Variants in CD300E observed in about 807,000 individuals in gnomAD.
CD300E encodes CD300e molecule, also known as CMRF35-like molecule 2.
In CD300E, 14 loss-of-function variants were observed where a neutral mutation model predicts 20.9. The observed-to-expected ratio is 0.67, with a 90% CI of 0.44 to 1.05. The LOEUF (loss-of-function observed/expected upper bound fraction) is 1.05. Among genes scored for constraint, CD300E ranks in the 50% least tolerant of loss-of-function variants. CD300E has a pLI of 0.00. For missense variants in CD300E, 237 were observed against 253.9 expected, an observed-to-expected ratio of 0.93 and a Z score of 0.45; for synonymous variants, 102 against 103.7, an observed-to-expected ratio of 0.98 and a Z score of 0.10.
In CD300E at chr17:74,617,174, A is replaced by G. The variant is rs1568034815; in HGVS notation, c.332T>C (p.Val111Ala). The G allele has an allele frequency of 6.2e-7, 1 of 1,614,088 alleles. No individual in the cohort carries two copies. The change falls in exon 2 of 4, where the codon GTC becomes GCC. Residue 111 changes from valine to alanine, a missense_variant. Coordinates refer to ENST00000392619, the MANE Select transcript of CD300E (RefSeq NM_181449.3). ...SYWCKIQTVW[V>A]LDSWSRDPSD... ...GGGATCGCGTGACCATGAATCCAGGACCCACACTGTCTGAATTTTGCACCA... is the reference window on the plus strand; with the variant it reads ...GGGATCGCGTGACCATGAATCCAGGGCCCACACTGTCTGAATTTTGCACCA...
chr17:74,621,505 A>G (rs971286494), intron 1 of CD300E, among the ~76,000 whole-genome samples: 5 of 152,210 alleles, frequency 3.3e-5, no homozygotes, highest in African/African-American at 1.2e-4. Flanking sequence ...CAAGATTAGC[A>G]TTTCTCAAGG....
rs2030844642 is a variant in CD300E, at chr17:74,613,987, G to A, written c.435C>T (p.Ile145=). ...TTCGCCCAGGGTTCACCACCAGGAA[G>A]ATGGGAGGTGTGGCTGGATGTGTGG... ...RRTTHPATPP[I]FLVVNPGRNL... The change falls in exon 3 of 4, where the codon ATC becomes ATT. Residue 145 remains isoleucine, a synonymous_variant. Coordinates refer to ENST00000392619, the MANE Select transcript of CD300E (RefSeq NM_181449.3). 1 of 1,614,002 alleles carries A rather than the reference G, an allele frequency of 6.2e-7. No individual in the cohort carries two copies. Among genetic ancestry groups the A allele is most frequent in the African/African-American group, 1.3e-5 (1 of 74,934 alleles).
rs1325664081 is a variant in CD300E, at chr17:74,616,977, C to G, written c.388+141G>C. 3 of 738,532 alleles carry G rather than the reference C, an allele frequency of 4.1e-6. No individual in the cohort carries two copies. The South Asian group carries it at 5.3e-5, about 13-fold the overall frequency. The allele number at this position is 738,532 out of a possible 1,614,324, so 45.7% of individuals were successfully genotyped here. On this transcript the variant is annotated intron_variant, in intron 2 of 3. Coordinates refer to ENST00000392619, the MANE Select transcript of CD300E (RefSeq NM_181449.3). Reference sequence around the variant, plus strand: ...GAAGGATCAGCCGCCTCTCTCCATGCCCATGCCATAGGCTCCTCCCAACAC... The same window carrying G: ...GAAGGATCAGCCGCCTCTCTCCATGGCCATGCCATAGGCTCCTCCCAACAC...
intron 1 of CD300E, among the ~76,000 whole-genome samples, chr17:74,620,958 G>T (rs2031009239): frequency 1.3e-5 from 2 of 151,470 alleles, no homozygotes; most frequent in Non-Finnish European, 2.9e-5. Context: ...CACGAGAATT[G>T]CTTGAACCTG....
rs377655166 is a variant in CD300E at position 74,619,916 on chromosome 17, G to A, written c.41-2451C>T. The stretch of plus-strand genomic sequence containing the variant: ...GGGAACCCCAAACCTAGCAAATCTG[G>A]AAGGTCACCCTAGAAAAGAAAGGGC... On this transcript the variant is annotated intron_variant, in intron 1 of 3. Transcript: ENST00000392619. Among the ~76,000 whole-genome samples, 24 of 152,318 alleles carry A rather than the reference G, an allele frequency of 1.6e-4. No individual in the cohort carries two copies. The East Asian group carries it at 2.5e-3, about 16-fold the overall frequency.
chr17:74,618,797 T>C (rs1238978331), intron 1 of CD300E, among the ~76,000 whole-genome samples: 2 of 151,980 alleles, frequency 1.3e-5, no homozygotes, highest in African/African-American at 4.8e-5. Flanking sequence ...CCACACTCAG[T>C]AGCACCTGTC....
chr17:74,617,594 A>G (rs964678475), intron 1 of CD300E, 129 bp from the exon 2 acceptor site: 1 of 763,044 alleles, frequency 1.3e-6, no homozygotes, highest in Non-Finnish European at 2.1e-6. Flanking sequence ...CTGGAGGAAT[A>G]CTTGAGCTTA....
At chr17:74,619,542 T>C (rs2030975382) in intron 1 of CD300E, among the ~76,000 whole-genome samples, 1 of 151,924 alleles carries the variant, frequency 6.6e-6, no homozygotes, top group Non-Finnish European at 1.5e-5. Context: ...TGTCCTCCAC[T>C]CTCCTGATTA....
At chr17:74,616,315 G>A (rs1359553295) in intron 2 of CD300E, among the ~76,000 whole-genome samples, 1 of 152,184 alleles carries the variant, frequency 6.6e-6, no homozygotes. Flanking sequence ...TCTGGGCAGC[G>A]ACCAGGTCGG....
chr17:74,619,625 T>TACACAC (rs992348148), intron 1 of CD300E, among the ~76,000 whole-genome samples: 2 of 149,602 alleles, frequency 1.3e-5, no homozygotes, highest in African/African-American at 4.9e-5. Context: ...CACACACACA[T>TACACAC]ACACACACAC....
At chr17:74,616,310 G>A (rs1018413011) in intron 2 of CD300E, among the ~76,000 whole-genome samples, 5 of 152,144 alleles carry the variant, frequency 3.3e-5, no homozygotes, top group African/African-American at 1.2e-4. Flanking sequence ...AAGACTCTGG[G>A]CAGCGACCAG....
rs1251734063 is a variant in CD300E at position 74,611,093 on chromosome 17, A to G, written c.*1560T>C. On this transcript the variant is annotated 3_prime_UTR_variant, in exon 4 of 4. Coordinates refer to ENST00000392619, the MANE Select transcript of CD300E (RefSeq NM_181449.3). ...TCTTCCTATGCTGTAATGACTTGGG[A>G]GCTTATCCTTCTCATAAAATGAATC... 6.6e-6 allele frequency: 1 copy of G among 152,180 alleles called. No individual in the cohort carries two copies. The highest frequency in any genetic ancestry group is 2.4e-5 in the African/African-American group (1 of 41,432). The allele number at this position is 152,180 out of a possible 1,614,324, so 9.4% of individuals were successfully genotyped here. A position where few individuals can be genotyped will look rare whatever the true frequency, so the allele number is the denominator to read the frequency against.
At chr17:74,617,054 C>A in intron 2 of CD300E, 64 bp downstream of exon 2, 2 of 1,401,724 alleles carry the variant, frequency 1.4e-6, no homozygotes, top group South Asian at 1.2e-5. Flanking sequence ...AGTGTGCCGC[C>A]CACCCTTGTT....
At chr17:74,617,028 C>T (rs755892900) in intron 2 of CD300E, 90 bp downstream of exon 2, 2 of 1,117,298 alleles carry the variant, frequency 1.8e-6, no homozygotes, top group Non-Finnish European at 2.7e-6. Context: ...CAAGACAAGA[C>T]TTGGACGCAC....
rs1314528038 is a variant in CD300E at position 74,612,778 on chromosome 17, G to C, written c.498-5C>G. 2.5e-6 allele frequency: 4 copies of C among 1,613,476 alleles called. No homozygotes were observed. The African/African-American group carries it at 5.3e-5, about 22-fold the overall frequency. On this transcript the variant is annotated splice_region_variant and splice_polypyrimidine_tract_variant and intron_variant, in intron 3 of 3. Transcript: ENST00000392619. ...TGAGGGCTGCTGAGCCGGAACCTGT[G>C]GTGGACACGGTGAAAATGAGTCACT...
At chr17:74,619,175 A>C (rs781449048) in intron 1 of CD300E, 7 of 469,842 alleles carry the variant, frequency 1.5e-5, no homozygotes, top group Non-Finnish European at 3.1e-5. Context: ...TTCTGGACAG[A>C]GCTCAGGACT....
At chr17:74,623,135 T>G (rs2031055526) in intron 1 of CD300E, among the ~76,000 whole-genome samples, 1 of 152,228 alleles carries the variant, frequency 6.6e-6, no homozygotes, top group African/African-American at 2.4e-5. Flanking sequence ...GTCTTTAATG[T>G]CCTCACACTT....
At chr17:74,620,278 C>A (rs1385753416) in intron 1 of CD300E, among the ~76,000 whole-genome samples, 1 of 152,148 alleles carries the variant, frequency 6.6e-6, no homozygotes, top group African/African-American at 2.4e-5. Context: ...TCGAAACCAG[C>A]CTGGCTAGCA....
chr17:74,613,950 C>T lies in CD300E; in HGVS notation c.472G>A (p.Gly158Arg), dbSNP rs1878061. ...VVNPGRNLST[G>R]EVLTQNSGFR... Reference sequence around the variant, plus strand: ...CCTGAATTTTGGGTCAACACCTCCCCGGTGCTGAGGTTTCGCCCAGGGTTC... The same window carrying T: ...CCTGAATTTTGGGTCAACACCTCCCTGGTGCTGAGGTTTCGCCCAGGGTTC... The change falls in exon 3 of 4, where the codon GGG becomes AGG. Residue 158 changes from glycine to arginine, a missense_variant. Gly to Arg is a moderately radical substitution (Grantham distance 125). Transcript: ENST00000392619. 602,160 of 1,612,024 alleles carry T rather than the reference C, an allele frequency of 0.37. 118,122 individuals are homozygous for T. The highest frequency in any genetic ancestry group is 0.41 in the Non-Finnish European group (479,080 of 1,178,570).
Sources: allele counts gnomAD v4.1 joint callset (sites outside exome capture counted in the v4.1 genomes callset), GRCh38; gene constraint gnomAD v4.1.1; transcripts MANE v1.5; gene names NCBI Gene and HGNC (gene_info 2026-07-23, HGNC 2026-07-21).